C1GALT1: variants seen among roughly 807,000 people sequenced by gnomAD.
The protein encoded by C1GALT1 is core 1 synthase, glycoprotein-N-acetylgalactosamine 3-beta-galactosyltransferase 1, also known as glycoprotein-N-acetylgalactosamine 3-beta-galactosyltransferase 1.
C1GALT1 carries 11 observed loss-of-function variants against 31.0 expected under a neutral mutation model. The ratio of observed to expected loss-of-function variants is 0.36; its 90% CI spans 0.22 to 0.59. The LOEUF is 0.59. Among genes scored for constraint, C1GALT1 ranks in the 20% least tolerant of loss-of-function variants. The pLI is 0.79. For missense variants in C1GALT1, 424 were observed against 425.2 expected (o/e 1.00, Z 0.03); for synonymous variants, 175 against 143.6 (o/e 1.22, Z -1.56).
chr7:7,213,794 T>C (rs1173209492), intron 1 of C1GALT1, among the ~76,000 whole-genome samples: 2 of 152,246 alleles, frequency 1.3e-5, no homozygotes, highest in Non-Finnish European at 2.9e-5. Context: ...ACAAACCTTT[T>C]ATAACCTTTT....
At chr7:7,162,067 CTT>C (rs66672219) in intron 2 of C1GALT1, among the ~76,000 whole-genome samples, 2 of 105,446 alleles carry the variant, frequency 1.9e-5, no homozygotes, top group Non-Finnish European at 4.2e-5. Context: ...TTCTTCATTT[CTT>C]TTTTTTTTTC....
chr7:7,160,204 T>G (rs891790219), intron 2 of C1GALT1, among the ~76,000 whole-genome samples: 38 of 152,290 alleles, frequency 2.5e-4, no homozygotes, highest in Non-Finnish European at 4.9e-4. Flanking sequence ...ACTAGAGATC[T>G]GTTTCTTCTC....
intron 1 of C1GALT1, among the ~76,000 whole-genome samples, chr7:7,187,618 A>AGAGGACCG (rs1780878680): frequency 6.6e-6 from 1 of 152,028 alleles, no homozygotes; most frequent in African/African-American, 2.4e-5. Context: ...AATATCCTAC[A>AGAGGACCG]GAGGACCGGA....
intron 1 of C1GALT1, among the ~76,000 whole-genome samples, chr7:7,196,916 A>AT (rs1320187962): frequency 7.3e-5 from 11 of 150,702 alleles, no homozygotes; most frequent in African/African-American, 1.9e-4. Context: ...GGGTTGTTTG[A>AT]TTTTTTCTTG....
rs1459110800 is a variant in C1GALT1 at position 7,246,162 on chromosome 7, G to GTGTT, written c.*2436_*2439dup. On this transcript the variant is annotated 3_prime_UTR_variant, in exon 4 of 4. Transcript: ENST00000436587. Reference sequence around the variant, plus strand: ...GTGCTTAGATAATCTGTGTATAATAGTGTTAATCCTCAAAATTTGGGTGTT... The same window carrying GTGTT: ...GTGCTTAGATAATCTGTGTATAATAGTGTTTGTTAATCCTCAAAATTTGGGTGTT... The GTGTT allele has an allele frequency of 4.6e-5, 7 of 152,108 alleles. No homozygotes were observed. The highest frequency in any genetic ancestry group is 1.4e-4 in the African/African-American group (6 of 41,400). 9.4% of individuals were successfully genotyped at this position (152,108 alleles called of 1,614,324 possible).
chr7:7,240,131 C>T (rs577476886), intron 3 of C1GALT1, among the ~76,000 whole-genome samples: 1 of 152,330 alleles, frequency 6.6e-6, no homozygotes, highest in South Asian at 2.1e-4. Context: ...TGATTCTCAA[C>T]CCAGGGCAAT....
At chr7:7,201,098 A>T (rs898489096) in intron 1 of C1GALT1, among the ~76,000 whole-genome samples, 2 of 152,154 alleles carry the variant, frequency 1.3e-5, no homozygotes, top group Admixed American at 1.3e-4. Flanking sequence ...TAGATTTTTC[A>T]GCTTTTCTGC....
At chr7:7,195,497 G>A (rs186172163) in intron 1 of C1GALT1, among the ~76,000 whole-genome samples, 4,992 of 152,124 alleles carry the variant, frequency 0.033, 176 homozygotes, top group African/African-American at 0.091. Context: ...GTTCCTTTTG[G>A]AGTTGATTTC....
chr7:7,178,183 G>A (rs1371697889), upstream of C1GALT1: 1 of 220,688 alleles, frequency 4.5e-6, no homozygotes, highest in Non-Finnish European at 1.0e-5. Flanking sequence ...CTGATCTTTG[G>A]ATAGATTACA....
intron 2 of C1GALT1, among the ~76,000 whole-genome samples, chr7:7,162,088 T>C (rs968969247): frequency 1.3e-5 from 2 of 151,376 alleles, no homozygotes; most frequent in Non-Finnish European, 2.9e-5. Flanking sequence ...TCTTTTTTTT[T>C]ATTAGCTATT....
intron 1 of C1GALT1, among the ~76,000 whole-genome samples, chr7:7,207,192 CT>C (rs1781777301): frequency 2.0e-5 from 3 of 152,036 alleles, no homozygotes; most frequent in African/African-American, 7.2e-5. Context: ...TTCAAGTTCA[CT>C]GATTCTTTTT....
chr7:7,225,850 T>C (rs1782737295), intron 1 of C1GALT1, among the ~76,000 whole-genome samples: 1 of 152,172 alleles, frequency 6.6e-6, no homozygotes, highest in Admixed American at 6.5e-5. Flanking sequence ...TGACATAACC[T>C]TTTAAGTATT....
intron 1 of C1GALT1, among the ~76,000 whole-genome samples, chr7:7,213,126 C>T (rs1213041182): frequency 6.6e-6 from 1 of 152,166 alleles, no homozygotes; most frequent in Non-Finnish European, 1.5e-5. Context: ...GTGAGCATGT[C>T]AGTTCTTTAG....
At chr7:7,192,437 C>T (rs1354880572) in intron 1 of C1GALT1, among the ~76,000 whole-genome samples, 1 of 152,082 alleles carries the variant, frequency 6.6e-6, no homozygotes, top group African/African-American at 2.4e-5. Context: ...TAATGGTCTC[C>T]ACCTCCATCC....
At chr7:7,216,382 G>C (rs979163176) in intron 1 of C1GALT1, among the ~76,000 whole-genome samples, 1 of 152,066 alleles carries the variant, frequency 6.6e-6, no homozygotes, top group Non-Finnish European at 1.5e-5. Flanking sequence ...CTGTGGATCT[G>C]GATGAACTAA....
intron 2 of C1GALT1, chr7:7,235,280 T>A (rs759210382): frequency 1.3e-5 from 2 of 152,210 alleles, no homozygotes; most frequent in Non-Finnish European, 2.9e-5. Flanking sequence ...ACAATTGGAA[T>A]TCTGGGATGC....
At chr7:7,211,113 G>A (rs573612109) in intron 1 of C1GALT1, among the ~76,000 whole-genome samples, 1 of 152,102 alleles carries the variant, frequency 6.6e-6, no homozygotes, top group Admixed American at 6.5e-5. Flanking sequence ...CGGAAGAATG[G>A]CATGTCCATG....
chr7:7,195,083 C>G (rs1473901386), intron 1 of C1GALT1, among the ~76,000 whole-genome samples: 2 of 152,130 alleles, frequency 1.3e-5, no homozygotes, highest in African/African-American at 2.4e-5. Flanking sequence ...AACTAATGAT[C>G]TGTCAATTTT....
chr7:7,183,502 T>A (rs1327706043), intron 1 of C1GALT1: 9 of 393,530 alleles, frequency 2.3e-5, no homozygotes, highest in African/African-American at 4.4e-5. Flanking sequence ...AGGCATTAAA[T>A]TTTTTTTTTT....
Sources: gnomAD v4.1 joint callset for allele counts (sites outside exome capture counted in the v4.1 genomes callset) on GRCh38, gnomAD v4.1.1 for gene constraint, MANE v1.5 for transcripts, NCBI Gene and HGNC (gene_info 2026-07-23, HGNC 2026-07-21) for gene names.